CDK5RAP2: variants seen among roughly 807,000 people sequenced by gnomAD.
The protein encoded by CDK5RAP2 is CDK5 regulatory subunit-associated protein 2.
In CDK5RAP2, 147 loss-of-function variants were observed where a neutral mutation model predicts 232.9. The ratio of observed to expected loss-of-function variants is 0.63; its 90% CI spans 0.55 to 0.72. The LOEUF is 0.72. Among genes scored for constraint, CDK5RAP2 ranks in the 30% least tolerant of loss-of-function variants. The probability of loss-of-function intolerance (pLI) is 0.00; values close to 1 mark genes in which losing one functional copy is unlikely to be tolerated. For synonymous variants in CDK5RAP2, 833 were observed against 833.7 expected, an observed-to-expected ratio of 1.00 and a Z score of 0.01; for missense variants, 2,195 against 2,231.5, an observed-to-expected ratio of 0.98 and a Z score of 0.33.
rs147538664 is a variant in CDK5RAP2 at position 120,436,420 on chromosome 9, A to G, written c.3955+875T>C. ...ATGTAACGTGGAGACTGGATCCCGG[A>G]CCAGGATCAGGATCCAGAATAAACT... On this transcript the variant is annotated intron_variant, in intron 25 of 37. Transcript: ENST00000349780. Among the ~76,000 whole-genome samples, 43 of 152,338 alleles carry G rather than the reference A, an allele frequency of 2.8e-4. No individual in the cohort carries two copies. The East Asian group carries it at 7.3e-3, about 26-fold the overall frequency.
At chr9:120,554,457 G>A (rs963165928) in intron 3 of CDK5RAP2, among the ~76,000 whole-genome samples, 2 of 152,070 alleles carry the variant, frequency 1.3e-5, no homozygotes, top group African/African-American at 4.8e-5. Flanking sequence ...TAGTGGCTTT[G>A]GAGACAATAT....
intron 32 of CDK5RAP2, among the ~76,000 whole-genome samples, chr9:120,405,854 G>A (rs1198387312): frequency 6.6e-6 from 1 of 152,194 alleles, no homozygotes; most frequent in South Asian, 2.1e-4. Flanking sequence ...CCATGTGAAA[G>A]CACAGGGAAC....
At chr9:120,461,361 G>A (rs556903649) in intron 18 of CDK5RAP2, among the ~76,000 whole-genome samples, 1 of 152,226 alleles carries the variant, frequency 6.6e-6, no homozygotes, top group Non-Finnish European at 1.5e-5. Flanking sequence ...AAGCTTCTGA[G>A]TTCTACAAAA....
intron 22 of CDK5RAP2, among the ~76,000 whole-genome samples, chr9:120,446,718 C>T (rs1026694192): frequency 1.3e-5 from 2 of 152,124 alleles, no homozygotes; most frequent in African/African-American, 4.8e-5. Context: ...ACACAATTAG[C>T]CTCCTTACTA....
intron 7 of CDK5RAP2, among the ~76,000 whole-genome samples, chr9:120,534,984 A>T (rs1033324755): frequency 2.0e-5 from 3 of 152,152 alleles, no homozygotes; most frequent in African/African-American, 7.2e-5. Context: ...CTCTGGGGGG[A>T]GGCTCAGTAG....
At position 120,545,794 on chromosome 9, in the gene CDK5RAP2, C is replaced by T. The variant is rs7030969; in HGVS notation, c.307-4G>A. The T allele has an allele frequency of 1.7e-3, 2,687 of 1,610,654 alleles. 36 individuals carry two copies. The African/African-American group carries it at 0.032, about 19-fold the overall frequency. On this transcript the variant is annotated splice_region_variant and splice_polypyrimidine_tract_variant and intron_variant, in intron 4 of 37. Transcript: ENST00000349780. ...CTTCCACCTTGAGCTCAATGTTCTA[C>T]AAAACAAGATTAAGAAAGAAAAGAA... is the stretch of plus-strand genomic sequence containing the variant.
chr9:120,455,370 TAA>T (rs77949035), intron 20 of CDK5RAP2, among the ~76,000 whole-genome samples: 2,981 of 94,122 alleles, frequency 0.032, 97 homozygotes, highest in African/African-American at 0.1. Context: ...TACAACACGT[TAA>T]AAAAAAAAAA....
At chr9:120,408,219 C>T (rs950233285) in intron 31 of CDK5RAP2, 128 bp downstream of exon 31, 13 of 1,044,480 alleles carry the variant, frequency 1.2e-5, no homozygotes, top group African/African-American at 4.7e-5. Context: ...AGCTTCAACA[C>T]CCATCCACTC....
Position 120,487,339 on chromosome 9 carries a change from C to T in CDK5RAP2, c.1581G>A (p.Lys527=). 6.2e-7 allele frequency: 1 copy of T among 1,614,056 alleles called. No homozygotes were observed. Among genetic ancestry groups the T allele is most frequent in the Non-Finnish European group, 8.5e-7 (1 of 1,180,000 alleles). ...ELRSEGLITE[K]CSSQQPPGSK... is the part of the protein sequence containing the mutation. The stretch of plus-strand genomic sequence containing the variant: ...TGCCTGGTGGCTGTTGAGAAGAGCA[C>T]TTTTCTGTTATTAAGCCTTCACTCC... Residue 527 remains lysine, a synonymous_variant, in exon 14 of 38, where the codon AAG becomes AAA. Transcript: ENST00000349780.
Position 120,389,560 on chromosome 9 carries a change from C to A in CDK5RAP2, c.5625+181G>T, listed in dbSNP as rs572171834. ...AGCATACAAATTTAAAACTTAGAAC[C>A]CCTACTGGCGACAGGGCATGATAAA... On this transcript the variant is annotated intron_variant, in intron 37 of 37. Transcript: ENST00000349780. Among the ~76,000 whole-genome samples, 35 of 152,232 alleles carry A rather than the reference C, an allele frequency of 2.3e-4. 1 individual carries two copies. Among genetic ancestry groups the A allele is most frequent in the African/African-American group, 7.7e-4 (32 of 41,524 alleles).
intron 26 of CDK5RAP2, among the ~76,000 whole-genome samples, chr9:120,420,592 GA>G (rs796366623): frequency 4.8e-4 from 68 of 141,792 alleles, no homozygotes; most frequent in South Asian, 6.7e-4. Context: ...TAAGCCATGA[GA>G]AAAAAAAAAA....
intron 3 of CDK5RAP2, 76 bp from the exon 4 acceptor site, chr9:120,550,978 G>C (rs73660580): frequency 2.4e-6 from 2 of 831,716 alleles, no homozygotes; most frequent in Middle Eastern, 2.3e-4. Context: ...TACATTAGTC[G>C]CTATGGATTA....
At chr9:120,575,720 C>A (rs10760103) in intron 1 of CDK5RAP2, among the ~76,000 whole-genome samples, 1 of 152,070 alleles carries the variant, frequency 6.6e-6, no homozygotes, top group African/African-American at 2.4e-5. Context: ...CTCCTCGCTC[C>A]CATCTAGAAC....
chr9:120,491,188 A>G lies in CDK5RAP2; in HGVS notation c.1482+119T>C, dbSNP rs115951030. 2,961 of 824,642 alleles carry G rather than the reference A, an allele frequency of 3.6e-3. 65 individuals are homozygous for G. In the African/African-American group the frequency reaches 0.045, roughly 12 times the overall value. The allele number at this position is 824,642 out of a possible 1,614,324, so 51.1% of individuals were successfully genotyped here. On this transcript the variant is annotated intron_variant, in intron 13 of 37. Coordinates refer to ENST00000349780, the MANE Select transcript of CDK5RAP2 (RefSeq NM_018249.6). ...GCCCAAATGACATAATTAAAGCTCT[A>G]AAGTATTCTGAAACATAGCAATGAT...
chr9:120,578,056 T>G (rs2043101994), intron 1 of CDK5RAP2, among the ~76,000 whole-genome samples: 1 of 152,090 alleles, frequency 6.6e-6, no homozygotes, highest in Non-Finnish European at 1.5e-5. Flanking sequence ...GATCATGAGA[T>G]CAGGAGATGG....
At chr9:120,487,581 T>C (rs1430529801) in intron 13 of CDK5RAP2, 144 bp from the exon 14 acceptor site, 2 of 656,476 alleles carry the variant, frequency 3.0e-6, no homozygotes, top group Non-Finnish European at 5.1e-6. Flanking sequence ...TCCAAAATAC[T>C]AGGCAATTAC....
Position 120,443,750 on chromosome 9 carries a change from C to A in CDK5RAP2, c.3026-8G>T, listed in dbSNP as rs761837046. The A allele has an allele frequency of 1.2e-6, 2 of 1,613,728 alleles. No homozygotes were observed. Among genetic ancestry groups the A allele is most frequent in the African/African-American group, 2.7e-5 (2 of 74,934 alleles). ...CTCCCACAGGGGGCTGAGCTACAGG[C>A]AATCACAAAGAGAAAGAAAAATAAA... On this transcript the variant is annotated splice_polypyrimidine_tract_variant and splice_region_variant and intron_variant, in intron 22 of 37. Transcript: ENST00000349780.
intron 26 of CDK5RAP2, 134 bp from the exon 27 acceptor site, chr9:120,420,094 T>C (rs1371674424): frequency 1.4e-6 from 1 of 735,902 alleles, no homozygotes; most frequent in Non-Finnish European, 2.4e-6. Flanking sequence ...AGACCTTTTA[T>C]TTCCCTACAG....
At chr9:120,475,004 T>C (rs1175209252) in intron 15 of CDK5RAP2, among the ~76,000 whole-genome samples, 1 of 152,240 alleles carries the variant, frequency 6.6e-6, no homozygotes, top group Non-Finnish European at 1.5e-5. Context: ...AAGCTTTTCA[T>C]GCTGTCATTA....
Sources: gnomAD v4.1 joint callset for allele counts (sites outside exome capture counted in the v4.1 genomes callset) on GRCh38, gnomAD v4.1.1 for gene constraint, MANE v1.5 for transcripts, NCBI Gene and HGNC (gene_info 2026-07-23, HGNC 2026-07-21) for gene names.